Variants in WNK2 observed in about 807,000 individuals in gnomAD.
WNK2 encodes the protein serine/threonine-protein kinase WNK2.
In WNK2, 67 loss-of-function variants were observed where a neutral mutation model predicts 192.1. That is an observed-to-expected ratio of 0.35 (90% confidence interval 0.29 to 0.43). WNK2 has a LOEUF of 0.43. WNK2 is among the 20% of genes least tolerant of loss of function. The probability of loss-of-function intolerance (pLI) is 1.00; values close to 1 mark genes in which losing one functional copy is unlikely to be tolerated. For synonymous variants in WNK2, 1,439 were observed against 1,393.9 expected, an observed-to-expected ratio of 1.03 and a Z score of -0.72; for missense variants, 2,698 against 3,089.7, an observed-to-expected ratio of 0.87 and a Z score of 3.01.
At chr9:93,255,146 T>C (rs1843101459) in intron 9 of WNK2, among the ~76,000 whole-genome samples, 1 of 152,078 alleles carries the variant, frequency 6.6e-6, no homozygotes, top group Non-Finnish European at 1.5e-5. Context: ...GACAACTTAC[T>C]CAAAAAGGAT....
intron 11 of WNK2, among the ~76,000 whole-genome samples, chr9:93,258,562 G>A (rs1843675968): frequency 2.6e-5 from 4 of 152,148 alleles, no homozygotes; most frequent in Admixed American, 2.6e-4. Flanking sequence ...TGTGGTCACT[G>A]CTCCTGCTGC....
At chr9:93,211,880 ACACT>A (rs1407833435) in intron 2 of WNK2, among the ~76,000 whole-genome samples, 1 of 148,210 alleles carries the variant, frequency 6.7e-6, no homozygotes, top group Non-Finnish European at 1.5e-5. Flanking sequence ...ACTCATTCAC[ACACT>A]CACACATTTA....
chr9:93,239,473 C>G lies in WNK2; in HGVS notation c.1323-284C>G, dbSNP rs1481130968. On this transcript the variant is annotated intron_variant, in intron 6 of 29. Transcript: ENST00000427277. This position sits in a 1 kb window ranked among gnomAD's most constrained non-coding sequence, Gnocchi z 4.2. Reference sequence around the variant, plus strand: ...GGGGCTGTATTTGCATAATGGGAGGCCTAATGTTTTTCCAAATCCTCTTTT... The same window carrying G: ...GGGGCTGTATTTGCATAATGGGAGGGCTAATGTTTTTCCAAATCCTCTTTT... Among the ~76,000 whole-genome samples, 1 of 152,050 alleles carries G rather than the reference C, an allele frequency of 6.6e-6. No homozygotes were observed. Among genetic ancestry groups the G allele is most frequent in the Non-Finnish European group, 1.5e-5 (1 of 68,024 alleles).
chr9:93,225,265 A>C (rs1007025827), intron 2 of WNK2, among the ~76,000 whole-genome samples: 1 of 152,132 alleles, frequency 6.6e-6, no homozygotes, highest in Non-Finnish European at 1.5e-5. Context: ...GCGTGGTAGC[A>C]TGTGCCTGTA....
At chr9:93,272,648 G>A (rs1429120718) in intron 19 of WNK2, among the ~76,000 whole-genome samples, 1 of 145,194 alleles carries the variant, frequency 6.9e-6, no homozygotes, top group African/African-American at 2.5e-5. Context: ...TGAGGCAGGA[G>A]AATCACTTGA....
intron 2 of WNK2, among the ~76,000 whole-genome samples, chr9:93,199,704 C>G (rs1831970684): frequency 6.6e-6 from 1 of 151,984 alleles, no homozygotes; most frequent in African/African-American, 2.4e-5. Flanking sequence ...CGAGACCATC[C>G]TGGCTAACTC....
In WNK2 at chr9:93,297,917, C is replaced by T. The variant is rs760009960; in HGVS notation, c.5773C>T (p.Arg1925Cys). The change falls in exon 24 of 30, where the codon CGC (arginine) becomes TGC (cysteine). Residue 1925 changes from arginine to cysteine, a missense_variant. This residue lies in a region of WNK2 where 1,098 missense variants were observed against 1,101.0 expected (regional missense o/e 1.00). Transcript: ENST00000427277. ...GCAGGAGATCGAAGCTCTGTACCGC[C>T]GCCTGGGCAAGCCACTGCCCCCCAA... Reference protein sequence around the residue: ...QKQEIEALYRRLGKPLPPNVG... With the variant: ...QKQEIEALYRCLGKPLPPNVG... 15 of 1,589,472 alleles carry T rather than the reference C, an allele frequency of 9.4e-6. No homozygotes were observed. Among genetic ancestry groups the T allele is most frequent in the African/African-American group, 5.4e-5 (4 of 74,392 alleles).
intron 2 of WNK2, among the ~76,000 whole-genome samples, chr9:93,213,860 A>G (rs1835227701): frequency 6.6e-6 from 1 of 152,244 alleles, no homozygotes; most frequent in Admixed American, 6.5e-5. Flanking sequence ...CAAAGTTTGA[A>G]GTTTAATATA....
intron 19 of WNK2, among the ~76,000 whole-genome samples, chr9:93,288,349 C>T (rs1848745878): frequency 6.6e-6 from 1 of 151,304 alleles, no homozygotes; most frequent in Non-Finnish European, 1.5e-5. Flanking sequence ...ACTACTTAAA[C>T]TCTTTAATTT....
At chr9:93,236,333 C>T (rs1839809821) in intron 5 of WNK2, among the ~76,000 whole-genome samples, 1 of 152,150 alleles carries the variant, frequency 6.6e-6, no homozygotes, top group Admixed American at 6.5e-5. Flanking sequence ...TTAGGTTCTT[C>T]ACTCCTGTGT....
In WNK2 at chr9:93,229,571, C is replaced by A; in HGVS notation, c.682-125C>A. ...GTGTCTGCATGCCCTTCTATCATAG[C>A]CGCTTAGCTGCCTGTGGGTATGGGA... is the stretch of plus-strand genomic sequence containing the variant. On this transcript the variant is annotated intron_variant, in intron 2 of 29. Coordinates refer to ENST00000427277, the MANE Select transcript of WNK2 (RefSeq NM_006648.4). This position sits in a 1 kb window ranked among gnomAD's most constrained non-coding sequence, Gnocchi z 4.9. The A allele has an allele frequency of 9.1e-7, 1 of 1,098,532 alleles. No homozygotes were observed. Among genetic ancestry groups the A allele is most frequent in the Non-Finnish European group, 1.3e-6 (1 of 777,432 alleles). The allele number at this position is 1,098,532 out of a possible 1,614,324, so 68.0% of individuals were successfully genotyped here.
chr9:93,215,017 G>C (rs1265454442), intron 2 of WNK2, among the ~76,000 whole-genome samples: 1 of 151,802 alleles, frequency 6.6e-6, no homozygotes, highest in Non-Finnish European at 1.5e-5. Context: ...TGAGTAGCTG[G>C]AACTGCAGGC....
At chr9:93,265,512 C>CT (rs1336131170) in intron 16 of WNK2, among the ~76,000 whole-genome samples, 1 of 152,194 alleles carries the variant, frequency 6.6e-6, no homozygotes, top group African/African-American at 2.4e-5. Context: ...AGGGAGGAGT[C>CT]TTTGTCAGCA....
At chr9:93,192,606 A>G (rs1037086946) in intron 2 of WNK2, among the ~76,000 whole-genome samples, 1 of 152,020 alleles carries the variant, frequency 6.6e-6, no homozygotes, top group Non-Finnish European at 1.5e-5. Context: ...GGAGGAGCTC[A>G]TTACCCTGCC....
At chr9:93,310,413 G>A (rs1001721923) in intron 28 of WNK2, among the ~76,000 whole-genome samples, 79 of 148,906 alleles carry the variant, frequency 5.3e-4, no homozygotes, top group African/African-American at 1.9e-3. Context: ...AGTGTTAAGG[G>A]TTTTTTTAAA....
intron 2 of WNK2, among the ~76,000 whole-genome samples, chr9:93,193,814 T>C (rs1192011399): frequency 3.3e-5 from 5 of 152,252 alleles, no homozygotes; most frequent in Non-Finnish European, 7.3e-5. Context: ...TACGACTTCT[T>C]ATTTAAATTG....
In WNK2 at chr9:93,259,339, A is replaced by G. The variant is rs1843813421; in HGVS notation, c.2791A>G (p.Thr931Ala). Residue 931 changes from threonine (T) to alanine (A), a missense_variant, in exon 12 of 30, where the codon ACG becomes GCG. This residue lies in a region of WNK2 where 893 missense variants were observed against 909.0 expected (regional missense o/e 0.98). Coordinates refer to ENST00000427277, the MANE Select transcript of WNK2 (RefSeq NM_006648.4). This position sits in a 1 kb window ranked among gnomAD's most constrained non-coding sequence, Gnocchi z 4.8. ...PTDVPPSPHH[T>A]VQNMRATPPQ... ...TGACGTCCCTCCTTCCCCCCATCACACGGTGCAGAATATGAGGGCCACCCC... is the reference window on the plus strand; with the variant it reads ...TGACGTCCCTCCTTCCCCCCATCACGCGGTGCAGAATATGAGGGCCACCCC... The G allele has an allele frequency of 1.2e-6, 2 of 1,601,658 alleles. No individual in the cohort carries two copies. Among genetic ancestry groups the G allele is most frequent in the Non-Finnish European group, 1.7e-6 (2 of 1,174,942 alleles).
chr9:93,282,695 A>G (rs1039449050), intron 19 of WNK2, among the ~76,000 whole-genome samples: 1 of 152,210 alleles, frequency 6.6e-6, no homozygotes. Flanking sequence ...GCATAAAATA[A>G]AAATTAACAC....
intron 8 of WNK2, among the ~76,000 whole-genome samples, chr9:93,251,960 G>A (rs553630765): frequency 2.0e-5 from 3 of 152,226 alleles, no homozygotes; most frequent in African/African-American, 4.8e-5. Context: ...TTATTTTAAC[G>A]CCAAGCCAAC....
Sources: gnomAD v4.1 joint callset for allele counts (sites outside exome capture counted in the v4.1 genomes callset) on GRCh38, gnomAD v4.1.1 for gene constraint, gnomAD v4.1.1 regional missense constraint, Gnocchi (gnomAD v3.1) non-coding constraint, MANE v1.5 for transcripts, NCBI Gene and HGNC (gene_info 2026-07-23, HGNC 2026-07-21) for gene names.